Variants in DSCAM observed in about 807,000 individuals in gnomAD.
The protein encoded by DSCAM is DS cell adhesion molecule, also known as cell adhesion molecule DSCAM.
Under a neutral mutation model 217.7 loss-of-function variants are expected in DSCAM, and 47 were observed. The ratio of observed to expected loss-of-function variants is 0.22; its 90% CI spans 0.17 to 0.28. The LOEUF is 0.28. Among genes scored for constraint, DSCAM ranks in the 10% least tolerant of loss-of-function variants. The pLI is 1.00. For synonymous variants in DSCAM, 1,056 were observed against 1,015.3 expected, an observed-to-expected ratio of 1.04 and a Z score of -0.76; for missense variants, 2,080 against 2,618.3, an observed-to-expected ratio of 0.79 and a Z score of 4.49.
At chr21:40,782,713 G>A (rs2091558636) in intron 1 of DSCAM, among the ~76,000 whole-genome samples, 1 of 152,104 alleles carries the variant, frequency 6.6e-6, no homozygotes, top group Admixed American at 6.5e-5. Flanking sequence ...CTGGTCCATA[G>A]AGTGAGACCC....
At chr21:40,781,011 CAT>C (rs1491314147) in intron 1 of DSCAM, among the ~76,000 whole-genome samples, 1 of 87,536 alleles carries the variant, frequency 1.1e-5, no homozygotes, top group Non-Finnish European at 2.7e-5. Context: ...TTAATAGTAA[CAT>C]TTTTTTTTTT....
At chr21:40,015,876 C>T (rs778090909) in intron 32 of DSCAM, among the ~76,000 whole-genome samples, 35 of 152,232 alleles carry the variant, frequency 2.3e-4, no homozygotes, top group Non-Finnish European at 3.8e-4. Context: ...GCTGGACTGA[C>T]GCTGGGTCTG....
intron 1 of DSCAM, among the ~76,000 whole-genome samples, chr21:40,734,242 C>T (rs2091040936): frequency 6.6e-6 from 1 of 152,044 alleles, no homozygotes; most frequent in Admixed American, 6.6e-5. Flanking sequence ...TGAAGCTTTC[C>T]ACTTTAACAG....
chr21:40,698,767 G>A (rs538115822), intron 2 of DSCAM, among the ~76,000 whole-genome samples: 60 of 151,958 alleles, frequency 3.9e-4, no homozygotes, highest in African/African-American at 1.4e-3. Flanking sequence ...CTACTAGTGC[G>A]GCTGAGGCAG....
intron 1 of DSCAM, among the ~76,000 whole-genome samples, chr21:40,712,469 C>CAAAAAAAA (rs571819417): frequency 1.8e-4 from 5 of 27,340 alleles, no homozygotes; most frequent in Non-Finnish European, 2.5e-4. Flanking sequence ...GACTCCGTCT[C>CAAAAAAAA]AAAAAAAAAA....
chr21:40,410,566 A>G (rs887381508), intron 3 of DSCAM, among the ~76,000 whole-genome samples: 17 of 152,120 alleles, frequency 1.1e-4, no homozygotes, highest in African/African-American at 4.1e-4. Context: ...TGAAGAAAAC[A>G]ACACCGAGAT....
intron 2 of DSCAM, among the ~76,000 whole-genome samples, chr21:40,700,889 A>G (rs572457314): frequency 6.6e-6 from 1 of 152,134 alleles, no homozygotes; most frequent in South Asian, 2.1e-4. Flanking sequence ...GGCATGTGTC[A>G]CCACACTTGA....
At chr21:40,829,009 G>A (rs191706460) in intron 1 of DSCAM, among the ~76,000 whole-genome samples, 12 of 152,288 alleles carry the variant, frequency 7.9e-5, no homozygotes, top group Admixed American at 7.2e-4. Flanking sequence ...AGTTCACTCT[G>A]TATGGCCTGC....
chr21:40,031,503 C>T (rs1035312353), intron 32 of DSCAM, among the ~76,000 whole-genome samples: 1 of 152,198 alleles, frequency 6.6e-6, no homozygotes, highest in African/African-American at 2.4e-5. Context: ...CAGTCTCATT[C>T]ATTTATCAGA....
intron 11 of DSCAM, among the ~76,000 whole-genome samples, chr21:40,246,472 T>C (rs1030503511): frequency 9.7e-5 from 12 of 123,936 alleles, no homozygotes; most frequent in Admixed American, 1.9e-4. Context: ...ACCTGGGAGG[T>C]GGAGGCTGCA....
At chr21:40,749,146 T>C (rs2091203082) in intron 1 of DSCAM, among the ~76,000 whole-genome samples, 1 of 152,060 alleles carries the variant, frequency 6.6e-6, no homozygotes, top group African/African-American at 2.4e-5. Context: ...ATAGAGGAAA[T>C]GCTTCATGGA....
intron 3 of DSCAM, among the ~76,000 whole-genome samples, chr21:40,407,667 A>G (rs2075290170): frequency 6.6e-6 from 1 of 152,200 alleles, no homozygotes; most frequent in Admixed American, 6.5e-5. Context: ...GCGAGGCTCC[A>G]GAGGTCTGCA....
intron 3 of DSCAM, among the ~76,000 whole-genome samples, chr21:40,660,801 GACA>G (rs1427901698): frequency 2.0e-5 from 3 of 152,190 alleles, no homozygotes; most frequent in Non-Finnish European, 2.9e-5. Context: ...AAGACAATAA[GACA>G]ACAACCTGTG....
intron 27 of DSCAM, among the ~76,000 whole-genome samples, chr21:40,063,651 T>C (rs944731496): frequency 5.9e-5 from 9 of 152,212 alleles, no homozygotes; most frequent in African/African-American, 2.2e-4. Context: ...CTAAAAAGTC[T>C]TGATGCTAAG....
intron 16 of DSCAM, among the ~76,000 whole-genome samples, chr21:40,149,061 ATCAC>A (rs1247288658): frequency 6.6e-6 from 1 of 151,958 alleles, no homozygotes; most frequent in African/African-American, 2.4e-5. Flanking sequence ...ACCACCATCC[ATCAC>A]TCAATCACTA....
chr21:40,545,116 C>G (rs1039723308), intron 3 of DSCAM, among the ~76,000 whole-genome samples: 1 of 152,118 alleles, frequency 6.6e-6, no homozygotes, highest in African/African-American at 2.4e-5. Flanking sequence ...GACATGAGAG[C>G]TTGTGTTCTG....
chr21:40,687,401 T>C (rs962717843), intron 3 of DSCAM, among the ~76,000 whole-genome samples: 4 of 152,204 alleles, frequency 2.6e-5, no homozygotes, highest in Admixed American at 6.5e-5. Flanking sequence ...AGCCACAGCA[T>C]AGCAGATGTC....
chr21:40,230,795 T>C (rs2091374302), intron 11 of DSCAM, among the ~76,000 whole-genome samples: 2 of 152,134 alleles, frequency 1.3e-5, no homozygotes, highest in African/African-American at 4.8e-5. Flanking sequence ...TTTGATTTTT[T>C]TGTGGTCATA....
intron 11 of DSCAM, among the ~76,000 whole-genome samples, chr21:40,195,281 A>G (rs1425608939): frequency 6.6e-6 from 1 of 152,154 alleles, no homozygotes; most frequent in African/African-American, 2.4e-5. Context: ...CAATAATGCA[A>G]AATTAATCCT....
Sources: gnomAD v4.1 joint callset for allele counts (sites outside exome capture counted in the v4.1 genomes callset) on GRCh38, gnomAD v4.1.1 for gene constraint, MANE v1.5 for transcripts, NCBI Gene and HGNC (gene_info 2026-07-23, HGNC 2026-07-21) for gene names.